Variants in PAPPA observed in about 807,000 individuals in gnomAD.
The protein encoded by PAPPA is pappalysin-1.
PAPPA carries 60 observed loss-of-function variants against 164.0 expected under a neutral mutation model. That is an observed-to-expected ratio of 0.37 (90% CI 0.30 to 0.45). The LOEUF (loss-of-function observed/expected upper bound fraction) is 0.45. Among genes scored for constraint, PAPPA ranks in the 20% least tolerant of loss-of-function variants. The pLI, the probability that PAPPA is intolerant of heterozygous loss-of-function variation, is 1.00. For synonymous variants in PAPPA, 875 were observed against 814.1 expected (o/e 1.07, Z -1.27); for missense variants, 1,782 against 2,087.3 (o/e 0.85, Z 2.85).
chr9:116,154,093 T>A lies in PAPPA; in HGVS notation c.-80T>A. The A allele has an allele frequency of 8.9e-7, 1 of 1,121,896 alleles. No homozygotes were observed. The highest frequency in any genetic ancestry group is 1.1e-6 in the Non-Finnish European group (1 of 912,710). The allele number at this position is 1,121,896 out of a possible 1,614,324, so 69.5% of individuals were successfully genotyped here. A position where few individuals can be genotyped will look rare whatever the true frequency, so the allele number is the denominator to read the frequency against. Reference sequence around the variant, plus strand: ...AAGAAGGGTGAAGAAGCGAAGAAAGTCGAGGCGCCGAGGCTCCCAAAGCTG... The same window carrying A: ...AAGAAGGGTGAAGAAGCGAAGAAAGACGAGGCGCCGAGGCTCCCAAAGCTG... On this transcript the variant is annotated 5_prime_UTR_variant, in exon 1 of 22. Coordinates refer to ENST00000328252, the MANE Select transcript of PAPPA (RefSeq NM_002581.5). This position sits in a 1 kb window ranked among gnomAD's most constrained non-coding sequence, Gnocchi z 5.2.
chr9:116,264,283 G>A (rs1300134400), intron 7 of PAPPA, among the ~76,000 whole-genome samples: 4 of 152,184 alleles, frequency 2.6e-5, no homozygotes, highest in Non-Finnish European at 5.9e-5. Flanking sequence ...ATTAGGATTC[G>A]AGGTTTACAA....
At position 116,187,781 on chromosome 9, in the gene PAPPA, G is replaced by A. The variant is rs1025262255; in HGVS notation, c.1043G>A (p.Arg348His). Residue 348 changes from arginine to histidine, a missense_variant, in exon 2 of 22, where the codon CGC becomes CAC. Arg to His is a conservative substitution (Grantham distance 29, BLOSUM62 0). This residue lies in a region of PAPPA where 1,324 missense variants were observed against 1,656.9 expected (regional missense o/e 0.80). Transcript: ENST00000328252. This position sits in a 1 kb window ranked among gnomAD's most constrained non-coding sequence, Gnocchi z 4.2. ...IASYNQLSSF[R>H]QPKVVRYRVV... ...AGCTACAATCAGCTCTCAAGTTTCC[G>A]CCAGCCCAAGGTGGTGCGCTACCGC... 10 of 1,614,202 alleles carry A rather than the reference G, an allele frequency of 6.2e-6. No homozygotes were observed. The highest frequency in any genetic ancestry group is 1.7e-5 in the Admixed American group (1 of 60,026).
chr9:116,296,513 T>C (rs1373805174), intron 9 of PAPPA, among the ~76,000 whole-genome samples: 1 of 152,060 alleles, frequency 6.6e-6, no homozygotes, highest in Non-Finnish European at 1.5e-5. Context: ...GTCTGCCTGA[T>C]AAGGAAACAG....
Position 116,154,442 on chromosome 9 carries a change from G to T in PAPPA, c.270G>T (p.Pro90=), listed in dbSNP as rs946935051. Residue 90 remains proline, a synonymous_variant, in exon 1 of 22, where the codon CCG becomes CCT. Transcript: ENST00000328252. This position sits in a 1 kb window ranked among gnomAD's most constrained non-coding sequence, Gnocchi z 5.2. ...AGGCGAGGGGCGCCACCGAGGAGCCGAGCCCGCCGAGCCGGGCGCTCTATT... is the reference window on the plus strand; with the variant it reads ...AGGCGAGGGGCGCCACCGAGGAGCCTAGCCCGCCGAGCCGGGCGCTCTATT... ...QREARGATEE[P]SPPSRALYFS... The T allele has an allele frequency of 7.8e-7, 1 of 1,276,578 alleles. No homozygotes were observed. Among genetic ancestry groups the T allele is most frequent in the South Asian group, 2.6e-5 (1 of 39,014 alleles). The allele number at this position is 1,276,578 out of a possible 1,614,324, so 79.1% of individuals were successfully genotyped here. A position where few individuals can be genotyped will look rare whatever the true frequency, so the allele number is the denominator to read the frequency against.
chr9:116,156,608 CT>C (rs1325142951), intron 1 of PAPPA, among the ~76,000 whole-genome samples: 2 of 152,048 alleles, frequency 1.3e-5, no homozygotes, highest in African/African-American at 2.4e-5. Context: ...ATAAGCACTG[CT>C]GTCGTGTAGC....
chr9:116,393,847 G>A (rs1169171110), intron 21 of PAPPA, among the ~76,000 whole-genome samples: 1 of 152,144 alleles, frequency 6.6e-6, no homozygotes, highest in Non-Finnish European at 1.5e-5. Flanking sequence ...TGAGAGTGAG[G>A]AGGAGAAGGA....
chr9:116,333,060 G>A (rs1846014469), intron 12 of PAPPA, among the ~76,000 whole-genome samples: 1 of 152,042 alleles, frequency 6.6e-6, no homozygotes, highest in Non-Finnish European at 1.5e-5. Context: ...CTGAGTGCAG[G>A]GCCAAGGGGG....
Position 116,399,556 on chromosome 9 carries a change from A to G in PAPPA, c.*2940A>G, listed in dbSNP as rs1847018477. 6.6e-6 allele frequency: 1 copy of G among 152,654 alleles called. No homozygotes were observed. The highest frequency in any genetic ancestry group is 2.1e-4 in the South Asian group (1 of 4,826). 9.5% of individuals were successfully genotyped at this position (152,654 alleles called of 1,614,324 possible). A position where few individuals can be genotyped will look rare whatever the true frequency, so the allele number is the denominator to read the frequency against. ...TGTGTGTCAGCAGCTCAAAGGCCCT[A>G]AAACACTGAAGGTTCTGCATCTGAA... On this transcript the variant is annotated 3_prime_UTR_variant, in exon 22 of 22. Transcript: ENST00000328252.
chr9:116,165,059 T>C (rs1437466813), intron 1 of PAPPA, among the ~76,000 whole-genome samples: 3 of 152,182 alleles, frequency 2.0e-5, no homozygotes, highest in Non-Finnish European at 2.9e-5. Flanking sequence ...CTTAAAATGT[T>C]ACTCTTCCAC....
At chr9:116,251,596 T>G (rs1323463989) in intron 7 of PAPPA, among the ~76,000 whole-genome samples, 2 of 152,184 alleles carry the variant, frequency 1.3e-5, no homozygotes, top group East Asian at 3.9e-4. Context: ...TTGGCCTCGA[T>G]TTTCACACTC....
At chr9:116,204,019 G>A (rs544161321) in intron 2 of PAPPA, among the ~76,000 whole-genome samples, 16 of 152,288 alleles carry the variant, frequency 1.1e-4, no homozygotes, top group East Asian at 3.9e-4. Context: ...GGAGAGCCAC[G>A]CAGAGGCAGA....
intron 20 of PAPPA, among the ~76,000 whole-genome samples, chr9:116,379,539 TCATCCATCCATC>T (rs60827972): frequency 7.3e-5 from 11 of 149,910 alleles, no homozygotes; most frequent in East Asian, 4.0e-4. Context: ...TTCTTGCCTG[TCATCCATCCATC>T]CATCCATCCA....
chr9:116,191,236 C>T (rs1009624608), intron 2 of PAPPA, among the ~76,000 whole-genome samples: 1 of 152,174 alleles, frequency 6.6e-6, no homozygotes, highest in African/African-American at 2.4e-5. Flanking sequence ...ATGATATCAT[C>T]TCCAGTCAGA....
intron 4 of PAPPA, among the ~76,000 whole-genome samples, chr9:116,219,449 AT>A (rs1844415212): frequency 6.6e-6 from 1 of 152,246 alleles, no homozygotes; most frequent in Admixed American, 6.5e-5. Flanking sequence ...GAATGAGTGG[AT>A]GAAAGAATGT....
At chr9:116,234,735 G>C (rs1844638925) in intron 6 of PAPPA, among the ~76,000 whole-genome samples, 1 of 152,222 alleles carries the variant, frequency 6.6e-6, no homozygotes, top group Middle Eastern at 3.4e-3. Context: ...CTATATTTGG[G>C]AGCCTTAGTT....
chr9:116,270,758 T>G (rs915119136), intron 8 of PAPPA, among the ~76,000 whole-genome samples: 3 of 147,732 alleles, frequency 2.0e-5, no homozygotes, highest in Non-Finnish European at 4.5e-5. Flanking sequence ...CTCGCAGCCC[T>G]TGGAGTTCTT....
chr9:116,286,522 G>C (rs1344716944), intron 9 of PAPPA: 1 of 152,170 alleles, frequency 6.6e-6, no homozygotes, highest in Admixed American at 6.6e-5. Context: ...GGCTTTGTAA[G>C]TACTGCGTCT....
intron 1 of PAPPA, among the ~76,000 whole-genome samples, chr9:116,178,638 A>G (rs1843865144): frequency 6.6e-6 from 1 of 152,204 alleles, no homozygotes; most frequent in African/African-American, 2.4e-5. Context: ...TCAGCCTCAC[A>G]CCACTGTCCA....
At chr9:116,367,302 A>C (rs1226052869) in intron 18 of PAPPA, among the ~76,000 whole-genome samples, 1 of 152,162 alleles carries the variant, frequency 6.6e-6, no homozygotes. Context: ...GAGGAGATTG[A>C]CCAGACCGCA....
Sources: allele counts gnomAD v4.1 joint callset (sites outside exome capture counted in the v4.1 genomes callset), GRCh38; gene constraint gnomAD v4.1.1; regional missense constraint gnomAD v4.1.1; non-coding constraint Gnocchi (gnomAD v3.1); transcripts MANE v1.5; gene names NCBI Gene and HGNC (gene_info 2026-07-23, HGNC 2026-07-21).